Variants in HLTF observed in about 807,000 individuals in gnomAD.
HLTF encodes helicase like transcription factor.
In HLTF, 127 loss-of-function variants were observed where a neutral mutation model predicts 129.4. The ratio of observed to expected loss-of-function variants is 0.98; its 90% CI spans 0.85 to 1.14. The LOEUF is 1.14. HLTF is among the 50% of genes most tolerant of loss of function. The pLI, the probability that HLTF is intolerant of heterozygous loss-of-function variation, is 0.00. For missense variants in HLTF, 1,139 were observed against 1,187.1 expected, an observed-to-expected ratio of 0.96 and a Z score of 0.60; for synonymous variants, 332 against 388.8, an observed-to-expected ratio of 0.85 and a Z score of 1.72.
In HLTF at chr3:149,071,291, T is replaced by C; in HGVS notation, c.855A>G (p.Glu285=). The C allele has an allele frequency of 6.2e-7, 1 of 1,603,134 alleles. No homozygotes were observed. The highest frequency in any genetic ancestry group is 8.5e-7 in the Non-Finnish European group (1 of 1,175,284). Residue 285 remains glutamate (E), a synonymous_variant, in exon 7 of 25, where the codon GAA becomes GAG. Transcript: ENST00000310053. The part of the protein sequence containing the change: ...ITNFSEKDRP[E]NVHGGILADD... ...CAGCTAAAATTCCTCCATGGACATT[T>C]TCTGGTCGGTCCTTCTCAGAAAAAT...
rs71135656 is a variant in HLTF, at chr3:149,036,297, G to GTTTTTTTTTTTTTTTTTTTTTTTTTT, written c.2797-1300_2797-1299insAAAAAAAAAAAAAAAAAAAAAAAAAA. Among the ~76,000 whole-genome samples, 3 of 107,986 alleles carry GTTTTTTTTTTTTTTTTTTTTTTTTTT rather than the reference G, an allele frequency of 2.8e-5. 1 individual carries two copies. The highest frequency in any genetic ancestry group is 5.3e-5 in the Non-Finnish European group (3 of 56,484). 70.8% of individuals were successfully genotyped at this position (107,986 alleles called of 152,430 possible). A position where few individuals can be genotyped will look rare whatever the true frequency, so the allele number is the denominator to read the frequency against. On this transcript the variant is annotated intron_variant, in intron 23 of 24. Transcript: ENST00000310053. ...TTAAATTTTAAATTAAAACTATGAG[G>GTTTTTTTTTTTTTTTTTTTTTTTTTT]TTTTTTTTTTGAGATGGAGTCTCGC...
chr3:149,043,566 A>C (rs1045423735), intron 18 of HLTF, among the ~76,000 whole-genome samples: 4 of 151,358 alleles, frequency 2.6e-5, no homozygotes, highest in Non-Finnish European at 4.4e-5. Context: ...AAAAAAAAAA[A>C]AAACCAGGCT....
chr3:149,064,766 G>A, intron 9 of HLTF, 25 bp downstream of exon 9: 2 of 1,341,470 alleles, frequency 1.5e-6, no homozygotes, highest in Non-Finnish European at 2.1e-6. Flanking sequence ...ATCAAATATT[G>A]GATCATTTCA....
At chr3:149,052,970 A>C (rs1050694153) in intron 14 of HLTF, among the ~76,000 whole-genome samples, 5 of 152,214 alleles carry the variant, frequency 3.3e-5, no homozygotes, top group Non-Finnish European at 7.3e-5. Context: ...TCTCAATAGA[A>C]AACGAAATAG....
At chr3:149,047,979 A>T in intron 17 of HLTF, 49 bp downstream of exon 17, 4 of 1,475,624 alleles carry the variant, frequency 2.7e-6, no homozygotes, top group Non-Finnish European at 3.7e-6. Context: ...GGTTCAAGCT[A>T]CTAACAGTTA....
At chr3:149,069,934 A>AGTACGGAAAC (rs1184963639) in intron 7 of HLTF, among the ~76,000 whole-genome samples, 2 of 152,256 alleles carry the variant, frequency 1.3e-5, no homozygotes, top group Non-Finnish European at 2.9e-5. Context: ...AATGAATGTA[A>AGTACGGAAAC]GTTTTGGATA....
Position 149,071,456 on chromosome 3 carries a change from A to T in HLTF, c.703-13T>A, listed in dbSNP as rs372661850. The stretch of plus-strand genomic sequence containing the variant: ...GTGTTTCAATAGCCTATAAATAAAA[A>T]GTCATAAAGCGAAATACATTAAGCC... On this transcript the variant is annotated splice_polypyrimidine_tract_variant and intron_variant, in intron 6 of 24. Transcript: ENST00000310053. The T allele has an allele frequency of 6.2e-7, 1 of 1,601,256 alleles. No homozygotes were observed. The highest frequency in any genetic ancestry group is 8.5e-7 in the Non-Finnish European group (1 of 1,171,440).
intron 14 of HLTF, among the ~76,000 whole-genome samples, chr3:149,051,620 G>A (rs1414716382): frequency 6.6e-6 from 1 of 152,192 alleles, no homozygotes; most frequent in African/African-American, 2.4e-5. Context: ...CGGCACTTTG[G>A]GAGGCCAAGG....
intron 13 of HLTF, among the ~76,000 whole-genome samples, chr3:149,058,512 G>A (rs1717665439): frequency 6.6e-6 from 1 of 152,188 alleles, no homozygotes; most frequent in South Asian, 2.1e-4. Context: ...TGTTTGGAAA[G>A]TTCTTACATA....
intron 14 of HLTF, 51 bp downstream of exon 14, chr3:149,055,252 T>C (rs558619801): frequency 6.1e-5 from 78 of 1,284,382 alleles, no homozygotes; most frequent in Non-Finnish European, 8.6e-5. Flanking sequence ...CTTTCTACCT[T>C]GTAGATAAAA....
chr3:149,052,800 TCAATGGGTGGCC>T (rs1275461309), intron 14 of HLTF, among the ~76,000 whole-genome samples: 1 of 152,010 alleles, frequency 6.6e-6, no homozygotes, highest in Non-Finnish European at 1.5e-5. Context: ...GAAAACTGAA[TCAATGGGTGGCC>T]TTGAAATGGG....
At chr3:149,036,473 G>C (rs1454588923) in intron 23 of HLTF, among the ~76,000 whole-genome samples, 3 of 151,840 alleles carry the variant, frequency 2.0e-5, no homozygotes, top group Admixed American at 2.0e-4. Flanking sequence ...ATTTTTAGTA[G>C]AGACGGGGTT....
chr3:149,048,965 G>A lies in HLTF; in HGVS notation c.1654C>T (p.Leu552=). The part of the protein sequence containing the change: ...GDSPLHSIRW[L]RVILDEGHAI... Reference sequence around the variant, plus strand: ...TGTCCTTCATCCAGGATCACTCTTAGCCACCTTATGCTATGTAATGGACTA... The same window carrying A: ...TGTCCTTCATCCAGGATCACTCTTAACCACCTTATGCTATGTAATGGACTA... Residue 552 remains leucine (L), a synonymous_variant, in exon 16 of 25, where the codon CTA becomes TTA. Transcript: ENST00000310053. The A allele has an allele frequency of 6.2e-7, 1 of 1,607,880 alleles. No homozygotes were observed. The highest frequency in any genetic ancestry group is 1.1e-5 in the South Asian group (1 of 90,946).
chr3:149,048,148 T>A lies in HLTF; in HGVS notation c.1772A>T (p.Asn591Ile). The A allele has an allele frequency of 6.2e-7, 1 of 1,608,152 alleles. No individual in the cohort carries two copies. The change falls in exon 17 of 25, where the codon AAT (asparagine) becomes ATT (isoleucine). Residue 591 changes from asparagine (N) to isoleucine (I), a missense_variant. Coordinates refer to ENST00000310053, the MANE Select transcript of HLTF (RefSeq NM_003071.4). Reference protein sequence around the residue: ...RWVLTGTPIQNSLKDLWSLLS... With the variant: ...RWVLTGTPIQISLKDLWSLLS... Reference sequence around the variant, plus strand: ...AAGAGACCACAAGTCCTTTAAAGAATTCTGGATTGGAGTACCTAGAAATAA... The same window carrying A: ...AAGAGACCACAAGTCCTTTAAAGAAATCTGGATTGGAGTACCTAGAAATAA...
At chr3:149,067,389 G>C (rs1280379210) in intron 8 of HLTF, among the ~76,000 whole-genome samples, 1 of 152,136 alleles carries the variant, frequency 6.6e-6, no homozygotes, top group Non-Finnish European at 1.5e-5. Flanking sequence ...AAAGAATCAT[G>C]AAAGTGATTA....
Position 149,048,975 on chromosome 3 carries a change from G to C in HLTF, c.1644C>G (p.Ser548Arg). 3.1e-6 allele frequency: 5 copies of C among 1,606,828 alleles called. No homozygotes were observed. The highest frequency in any genetic ancestry group is 4.3e-6 in the Non-Finnish European group (5 of 1,173,610). The stretch of plus-strand genomic sequence containing the variant: ...CCAGGATCACTCTTAGCCACCTTAT[G>C]CTATGTAATGGACTATCTCCTTTAG... ...YGTKGDSPLH[S>R]IRWLRVILDE... The change falls in exon 16 of 25, where the codon AGC becomes AGG. Residue 548 changes from serine to arginine, a missense_variant. Transcript: ENST00000310053.
At chr3:149,047,465 A>T (rs1320749655) in intron 17 of HLTF, among the ~76,000 whole-genome samples, 1 of 152,126 alleles carries the variant, frequency 6.6e-6, no homozygotes, top group African/African-American at 2.4e-5. Context: ...AACATGGCGA[A>T]ACCCCATCTC....
At chr3:149,057,636 G>A (rs1717590035) in intron 13 of HLTF, among the ~76,000 whole-genome samples, 2 of 152,048 alleles carry the variant, frequency 1.3e-5, no homozygotes, top group South Asian at 2.1e-4. Flanking sequence ...ATGTGAATGT[G>A]GTCATTCTCT....
At position 149,041,571 on chromosome 3, in the gene HLTF, A is replaced by T; in HGVS notation, c.2295T>A (p.Asp765Glu). The T allele has an allele frequency of 6.2e-7, 1 of 1,612,664 alleles. No individual in the cohort carries two copies. The highest frequency in any genetic ancestry group is 1.1e-5 in the South Asian group (1 of 91,034). The change falls in exon 20 of 25, where the codon GAT becomes GAA. Residue 765 changes from aspartate to glutamate, a missense_variant. Transcript: ENST00000310053. ...GSDEECAICL[D>E]SLTVPVITHC... ...GTGTTATCACAGGAACTGTTAAAGA[A>T]TCCAGGCAAATTGCACATTCCTCAT... is the stretch of plus-strand genomic sequence containing the variant.
Sources: gnomAD v4.1 joint callset for allele counts (sites outside exome capture counted in the v4.1 genomes callset) on GRCh38, gnomAD v4.1.1 for gene constraint, MANE v1.5 for transcripts, NCBI Gene and HGNC (gene_info 2026-07-23, HGNC 2026-07-21) for gene names.